The following PRMT8 variants were observed in gnomAD, a reference collection of about 807,000 sequenced individuals.
PRMT8 encodes protein arginine N-methyltransferase 8.
In PRMT8, 7 loss-of-function variants were observed where a neutral mutation model predicts 47.1. That is an observed-to-expected ratio of 0.15 (90% CI 0.08 to 0.28). The LOEUF (loss-of-function observed/expected upper bound fraction) is 0.28. Ranked by LOEUF, PRMT8 falls within the 10% of genes least tolerant of loss-of-function variation. PRMT8 has a pLI of 1.00. For synonymous variants in PRMT8, 188 were observed against 186.5 expected, an observed-to-expected ratio of 1.01 and a Z score of -0.07; for missense variants, 237 against 505.4, an observed-to-expected ratio of 0.47 and a Z score of 5.09.
chr12:3,466,397 C>T (rs1865097844), intron 1 of PRMT8, among the ~76,000 whole-genome samples: 1 of 152,150 alleles, frequency 6.6e-6, no homozygotes, highest in Non-Finnish European at 1.5e-5. Context: ...CCGGCCAGGT[C>T]TCACAGTCTG....
chr12:3,568,614 C>A, intron 4 of PRMT8, 92 bp from the exon 5 acceptor site: 1 of 1,454,748 alleles, frequency 6.9e-7, no homozygotes, highest in Non-Finnish European at 9.5e-7. Flanking sequence ...CAGAATAGGG[C>A]TGAAACCTGG....
intron 6 of PRMT8, among the ~76,000 whole-genome samples, chr12:3,575,458 C>T (rs1866921035): frequency 6.6e-6 from 1 of 152,234 alleles, no homozygotes; most frequent in Admixed American, 6.5e-5. Flanking sequence ...TAAAGCTGTC[C>T]TCTCTGCACT....
At chr12:3,466,370 T>G (rs1374845521) in intron 1 of PRMT8, among the ~76,000 whole-genome samples, 1 of 152,198 alleles carries the variant, frequency 6.6e-6, no homozygotes, top group Non-Finnish European at 1.5e-5. Flanking sequence ...CAATGAGATG[T>G]GCTTTTGTTC....
At chr12:3,590,773 C>T (rs1867281326) in intron 8 of PRMT8, among the ~76,000 whole-genome samples, 2 of 152,090 alleles carry the variant, frequency 1.3e-5, no homozygotes, top group Non-Finnish European at 2.9e-5. Flanking sequence ...AACTCCAGTA[C>T]GAGTACATTG....
rs1025995587 is a variant in PRMT8, at chr12:3,576,609, A to G, written c.713-262A>G. On this transcript the variant is annotated intron_variant, in intron 6 of 9. Coordinates refer to ENST00000382622, the MANE Select transcript of PRMT8 (RefSeq NM_019854.5). This position sits in a 1 kb window ranked among gnomAD's most constrained non-coding sequence, Gnocchi z 4.0. ...CTGCACTCTAGCTATAGGAGCTTGG[A>G]GCAGTTTCCCAGCCTCTCTGAGCTC... Among the ~76,000 whole-genome samples, 4 of 152,134 alleles carry G rather than the reference A, an allele frequency of 2.6e-5. No individual in the cohort carries two copies. The highest frequency in any genetic ancestry group is 9.7e-5 in the African/African-American group (4 of 41,432).
chr12:3,450,298 G>T (rs11062650), intron 1 of PRMT8, among the ~76,000 whole-genome samples: 36 of 152,156 alleles, frequency 2.4e-4, no homozygotes, highest in Non-Finnish European at 4.9e-4. Context: ...ATGTTGAATG[G>T]ATCTTTTACC....
chr12:3,565,081 C>A (rs1307449881), intron 4 of PRMT8, among the ~76,000 whole-genome samples: 1 of 152,072 alleles, frequency 6.6e-6, no homozygotes, highest in African/African-American at 2.4e-5. Context: ...ATAAAAGGAC[C>A]CAGGAAGTGT....
chr12:3,548,979 A>G (rs948858732), intron 2 of PRMT8, among the ~76,000 whole-genome samples: 5 of 152,240 alleles, frequency 3.3e-5, no homozygotes, highest in Admixed American at 6.5e-5. Context: ...CAACAACAAC[A>G]AAAGAACAAA....
intron 1 of PRMT8, among the ~76,000 whole-genome samples, chr12:3,416,336 A>G (rs1001418256): frequency 6.6e-6 from 1 of 152,190 alleles, no homozygotes; most frequent in Non-Finnish European, 1.5e-5. Context: ...AATCCTCACC[A>G]TCTTCAGCTA....
chr12:3,558,011 C>G (rs879280383), intron 4 of PRMT8, among the ~76,000 whole-genome samples: 1 of 152,158 alleles, frequency 6.6e-6, no homozygotes, highest in Non-Finnish European at 1.5e-5. Flanking sequence ...CCAGCCCACC[C>G]CCAGTAAATG....
chr12:3,478,262 ATCT>A (rs1865235900), intron 1 of PRMT8, among the ~76,000 whole-genome samples: 1 of 70,262 alleles, frequency 1.4e-5, no homozygotes, highest in African/African-American at 5.4e-5. Context: ...TCCACCTATC[ATCT>A]ATCTATCTAT....
intron 1 of PRMT8, among the ~76,000 whole-genome samples, chr12:3,496,111 G>A (rs866639834): frequency 8.8e-5 from 13 of 148,044 alleles, no homozygotes; most frequent in Non-Finnish European, 1.5e-4. Context: ...TATTTATGGC[G>A]ATGACTCCCT....
At chr12:3,476,190 A>C (rs1393046824) in intron 1 of PRMT8, among the ~76,000 whole-genome samples, 1 of 152,168 alleles carries the variant, frequency 6.6e-6, no homozygotes, top group Non-Finnish European at 1.5e-5. Context: ...TTCAGCTCTA[A>C]GTGGGAGTGG....
At chr12:3,548,323 A>T (rs1355483667) in intron 2 of PRMT8, among the ~76,000 whole-genome samples, 1 of 152,228 alleles carries the variant, frequency 6.6e-6, no homozygotes, top group Non-Finnish European at 1.5e-5. Flanking sequence ...AGTGAAAAAA[A>T]TGGAAAAACT....
chr12:3,402,374 T>C (rs1864326477), intron 1 of PRMT8, among the ~76,000 whole-genome samples: 1 of 152,122 alleles, frequency 6.6e-6, no homozygotes, highest in Non-Finnish European at 1.5e-5. Flanking sequence ...ATGAAAGCCA[T>C]AGGAGAGGAT....
At chr12:3,438,245 G>T (rs1012651113) in intron 1 of PRMT8, among the ~76,000 whole-genome samples, 1 of 152,154 alleles carries the variant, frequency 6.6e-6, no homozygotes, top group East Asian at 1.9e-4. Flanking sequence ...CTTATGCAAG[G>T]TCCTCCTGCA....
chr12:3,481,872 C>T (rs1248271105), intron 1 of PRMT8, among the ~76,000 whole-genome samples: 2 of 152,088 alleles, frequency 1.3e-5, no homozygotes, highest in African/African-American at 2.4e-5. Context: ...CCAAAGTGGC[C>T]CAGAAGCTCA....
At chr12:3,592,784 C>T (rs368966143) in intron 9 of PRMT8, among the ~76,000 whole-genome samples, 30 of 152,358 alleles carry the variant, frequency 2.0e-4, no homozygotes, top group Admixed American at 3.9e-4. Flanking sequence ...GCGCTAAAAA[C>T]GTCTGCAGAG....
intron 1 of PRMT8, among the ~76,000 whole-genome samples, 190 bp downstream of exon 1, chr12:3,491,890 T>TGTG (rs1865415257): frequency 7.2e-4 from 7 of 9,714 alleles, no homozygotes; most frequent in East Asian, 2.7e-3. Flanking sequence ...GTGTGTGTGT[T>TGTG]GGTGGGGGGT....
Sources: gnomAD v4.1 joint callset for allele counts (sites outside exome capture counted in the v4.1 genomes callset) on GRCh38, gnomAD v4.1.1 for gene constraint, Gnocchi (gnomAD v3.1) non-coding constraint, MANE v1.5 for transcripts, NCBI Gene and HGNC (gene_info 2026-07-23, HGNC 2026-07-21) for gene names.